Variants in DOP1A observed in about 807,000 individuals in gnomAD.
The protein encoded by DOP1A is protein DOP1A.
DOP1A carries 90 observed loss-of-function variants against 267.6 expected under a neutral mutation model. The ratio of observed to expected loss-of-function variants is 0.34; its 90% confidence interval spans 0.28 to 0.40. The LOEUF is 0.40. Ranked by LOEUF, DOP1A falls within the 10% of genes least tolerant of loss-of-function variation. DOP1A has a pLI of 1.00. For synonymous variants in DOP1A, 932 were observed against 999.1 expected (o/e 0.93, Z 1.27); for missense variants, 2,437 against 2,900.4 (o/e 0.84, Z 3.67).
intron 21 of DOP1A, 59 bp downstream of exon 21, chr6:83,139,221 A>G: frequency 7.6e-7 from 1 of 1,314,730 alleles, no homozygotes; most frequent in Non-Finnish European, 1.1e-6. Context: ...TGACTGCTTA[A>G]TGTCTGGAAA....
At chr6:83,110,831 ATATTT>A (rs1173244328) in intron 6 of DOP1A, among the ~76,000 whole-genome samples, 1 of 152,146 alleles carries the variant, frequency 6.6e-6, no homozygotes, top group Admixed American at 6.5e-5. Flanking sequence ...GACATTACTG[ATATTT>A]TAATGCATAT....
At chr6:83,136,242 ATTTCATGAGTCAT>A (rs1778844997) in intron 20 of DOP1A, among the ~76,000 whole-genome samples, 1 of 152,126 alleles carries the variant, frequency 6.6e-6, no homozygotes, top group South Asian at 2.1e-4. Flanking sequence ...CACATTTTGT[ATTTCATGAGTCAT>A]TTTCCTCATC....
In DOP1A at chr6:83,138,637, T is replaced by G; in HGVS notation, c.4595T>G (p.Leu1532Trp). Residue 1532 changes from leucine (L) to tryptophan (W), a missense_variant, in exon 21 of 39, where the codon TTG becomes TGG. Leu to Trp is a moderately conservative substitution (Grantham distance 61). This residue lies in a region of DOP1A where 878 missense variants were observed against 992.9 expected (regional missense o/e 0.88). Coordinates refer to ENST00000349129, the MANE Select transcript of DOP1A (RefSeq NM_015018.4). Reference sequence around the variant, plus strand: ...GTTCAGAAAGTGATTCTTCATTGTTTGCTGTCATCTATCTTTAGTGCTCAG... The same window carrying G: ...GTTCAGAAAGTGATTCTTCATTGTTGGCTGTCATCTATCTTTAGTGCTCAG... ...CKVQKVILHCLLSSIFSAQKW... is the reference protein window; with the variant it reads ...CKVQKVILHCWLSSIFSAQKW... The G allele has an allele frequency of 6.2e-7, 1 of 1,613,980 alleles. No individual in the cohort carries two copies. The highest frequency in any genetic ancestry group is 8.5e-7 in the Non-Finnish European group (1 of 1,179,940).
chr6:83,076,349 C>G (rs187259111), intron 1 of DOP1A, among the ~76,000 whole-genome samples: 7 of 152,168 alleles, frequency 4.6e-5, no homozygotes, highest in African/African-American at 1.7e-4. Flanking sequence ...TGGTGAAACC[C>G]GGTCTCTACT....
chr6:83,145,386 C>G lies in DOP1A; in HGVS notation c.5542-138C>G, dbSNP rs571539292. The G allele has an allele frequency of 7.0e-6, 5 of 715,466 alleles. No homozygotes were observed. The Admixed American group carries it at 1.5e-4, about 22-fold the overall frequency. 44.3% of individuals were successfully genotyped at this position (715,466 alleles called of 1,614,324 possible). A position where few individuals can be genotyped will look rare whatever the true frequency, so the allele number is the denominator to read the frequency against. On this transcript the variant is annotated intron_variant, in intron 24 of 38. Transcript: ENST00000349129. ...CATTTTGAGCACAGGAGTTTGAGAC[C>G]AGGCTGGGCAAAATAGCAAGACCTC...
Position 83,128,416 on chromosome 6 carries a change from T to A in DOP1A, c.1720-471T>A, listed in dbSNP as rs553076156. Among the ~76,000 whole-genome samples, 22 of 152,328 alleles carry A rather than the reference T, an allele frequency of 1.4e-4. 1 individual carries two copies. The South Asian group carries it at 4.3e-3, about 30-fold the overall frequency. The stretch of plus-strand genomic sequence containing the variant: ...TGGCACATGATAGGAGTTCAGTAAC[T>A]ATTCACTGAAAGAAAGTAAGATTAA... On this transcript the variant is annotated intron_variant, in intron 15 of 38. Transcript: ENST00000349129.
At chr6:83,140,182 CAGTA>C (rs768045512) in intron 22 of DOP1A, 35 bp from the exon 23 acceptor site, 33 of 1,605,446 alleles carry the variant, frequency 2.1e-5, no homozygotes, top group Non-Finnish European at 2.5e-5. Context: ...TTGTAAATCT[CAGTA>C]AGTAATATGT....
At chr6:83,146,634 A>T (rs574447271) in intron 25 of DOP1A, among the ~76,000 whole-genome samples, 2 of 152,296 alleles carry the variant, frequency 1.3e-5, no homozygotes, top group East Asian at 3.9e-4. Context: ...TTGGACAGGA[A>T]ACCTTCAAGG....
At chr6:83,117,119 T>TTTTATTTTA (rs1775571298) in intron 7 of DOP1A, among the ~76,000 whole-genome samples, 33 of 131,354 alleles carry the variant, frequency 2.5e-4, no homozygotes, top group African/African-American at 9.0e-4. Flanking sequence ...TTTTAGTACT[T>TTTTATTTTA]TTTTATTTTA....
At chr6:83,152,411 T>A in intron 30 of DOP1A, 44 bp downstream of exon 30, 1 of 919,836 alleles carries the variant, frequency 1.1e-6, no homozygotes, top group Non-Finnish European at 1.6e-6. Context: ...GTAGACTGTT[T>A]CATTATTAAA....
chr6:83,153,903 T>C lies in DOP1A; in HGVS notation c.6249T>C (p.Asn2083=). ...TTTTTCTTCCTTGTAGTGCACATAA[T>C]GCCCCTAGTTATCGAGCTTGTGTCC... ...VPYLRNHSAH[N]APSYRACVQL... Residue 2083 remains asparagine (N), a synonymous_variant, in exon 32 of 39, where the codon AAT becomes AAC. Transcript: ENST00000349129. The C allele has an allele frequency of 1.2e-6, 2 of 1,611,820 alleles. No individual in the cohort carries two copies. Among genetic ancestry groups the C allele is most frequent in the Non-Finnish European group, 1.7e-6 (2 of 1,179,454 alleles).
chr6:83,145,732 A>G, intron 25 of DOP1A, 74 bp downstream of exon 25: 2 of 1,464,592 alleles, frequency 1.4e-6, no homozygotes, highest in Non-Finnish European at 1.9e-6. Flanking sequence ...TTTTTTTTGT[A>G]CAATAATGTC....
At chr6:83,075,219 A>T (rs75799407) in intron 1 of DOP1A, among the ~76,000 whole-genome samples, 1 of 152,130 alleles carries the variant, frequency 6.6e-6, no homozygotes, top group South Asian at 2.1e-4. Flanking sequence ...AGAATATTCT[A>T]TTGTCATTCA....
chr6:83,170,457 T>G (rs1184028706), downstream of DOP1A: 1 of 1,614,022 alleles, frequency 6.2e-7, no homozygotes. Context: ...TCGGTAGTGC[T>G]AATAACTCTC....
intron 21 of DOP1A, among the ~76,000 whole-genome samples, chr6:83,139,457 G>A (rs1779287070): frequency 1.3e-5 from 2 of 152,268 alleles, no homozygotes; most frequent in East Asian, 3.9e-4. Context: ...GGGAAGCTTA[G>A]AAAAGGGTTT....
chr6:83,153,004 T>C (rs1051427405), intron 30 of DOP1A, among the ~76,000 whole-genome samples: 3 of 152,194 alleles, frequency 2.0e-5, no homozygotes, highest in Non-Finnish European at 2.9e-5. Flanking sequence ...GTCTGACAGG[T>C]TCTTTTTTAT....
chr6:83,130,058 TAAC>T, intron 16 of DOP1A, 62 bp from the exon 17 acceptor site: 3 of 1,541,328 alleles, frequency 1.9e-6, no homozygotes, highest in Admixed American at 3.9e-5. Context: ...TTTTTGAAAT[TAAC>T]TTAGAGTGTG....
intron 1 of DOP1A, among the ~76,000 whole-genome samples, chr6:83,084,278 T>C (rs1468162040): frequency 1.3e-5 from 2 of 152,196 alleles, no homozygotes; most frequent in African/African-American, 2.4e-5. Flanking sequence ...ATTCAATATA[T>C]AACATGCTGT....
chr6:83,096,378 C>G (rs1771513139), intron 1 of DOP1A, among the ~76,000 whole-genome samples: 1 of 151,288 alleles, frequency 6.6e-6, no homozygotes, highest in Admixed American at 6.6e-5. Context: ...CCACTGTACT[C>G]AGCTGTGGGC....
Sources: allele counts gnomAD v4.1 joint callset (sites outside exome capture counted in the v4.1 genomes callset), GRCh38; gene constraint gnomAD v4.1.1; regional missense constraint gnomAD v4.1.1; transcripts MANE v1.5; gene names NCBI Gene and HGNC (gene_info 2026-07-23, HGNC 2026-07-21).